CDKL1: variants seen among roughly 807,000 people sequenced by gnomAD.
CDKL1 encodes cyclin-dependent kinase-like 1.
A neutral mutation model predicts 42.0 loss-of-function variants in CDKL1; 41 were observed. The observed-to-expected ratio is 0.98, with a 90% CI of 0.76 to 1.27. The LOEUF (loss-of-function observed/expected upper bound fraction) is 1.27. Ranked by LOEUF, CDKL1 falls within the 50% of genes most tolerant of loss-of-function variation. The probability of loss-of-function intolerance (pLI) is 0.00; values close to 1 mark genes in which losing one functional copy is unlikely to be tolerated. For synonymous variants in CDKL1, 153 were observed against 158.6 expected (o/e 0.96, Z 0.26); for missense variants, 394 against 428.4 (o/e 0.92, Z 0.71).
chr14:50,355,709 C>T (rs1183084397), intron 3 of CDKL1, among the ~76,000 whole-genome samples: 2 of 151,972 alleles, frequency 1.3e-5, no homozygotes, highest in African/African-American at 2.4e-5. Context: ...ATAAACAATC[C>T]CAGAAGATGT....
At position 50,396,846 on chromosome 14, in the gene CDKL1, G is replaced by T. The variant is rs1160189854; in HGVS notation, c.-484C>A. 2 of 191,576 alleles carry T rather than the reference G, an allele frequency of 1.0e-5. No individual in the cohort carries two copies. The highest frequency in any genetic ancestry group is 6.5e-5 in the Admixed American group (1 of 15,408). The allele number at this position is 191,576 out of a possible 1,614,324, so 11.9% of individuals were successfully genotyped here. Reference sequence around the variant, plus strand: ...CACGGCGCCGCGGCGGTCAGGGACGGGCCTGGCTCCCGCCTCGCCTTCTTC... The same window carrying T: ...CACGGCGCCGCGGCGGTCAGGGACGTGCCTGGCTCCCGCCTCGCCTTCTTC... On this transcript the variant is annotated 5_prime_UTR_variant, in exon 1 of 10. Transcript: ENST00000395834.
chr14:50,358,307 G>A (rs961463701), intron 3 of CDKL1, among the ~76,000 whole-genome samples: 4 of 152,130 alleles, frequency 2.6e-5, no homozygotes, highest in Non-Finnish European at 4.4e-5. Context: ...GTAGACACCC[G>A]GATTGCTTCC....
intron 3 of CDKL1, chr14:50,358,070 T>C: frequency 7.4e-7 from 1 of 1,359,420 alleles, no homozygotes; most frequent in Non-Finnish European, 9.8e-7. Flanking sequence ...CCCTCCTCCT[T>C]TTTTCTTTTT....
chr14:50,350,214 G>T (rs1330144968), intron 3 of CDKL1, among the ~76,000 whole-genome samples: 1 of 152,196 alleles, frequency 6.6e-6, no homozygotes, highest in African/African-American at 2.4e-5. Context: ...CCTGGCCTAA[G>T]GAAGATGTTC....
intron 3 of CDKL1, among the ~76,000 whole-genome samples, 186 bp downstream of exon 3, chr14:50,358,842 G>A (rs897620446): frequency 6.6e-6 from 1 of 151,846 alleles, no homozygotes. Flanking sequence ...GTTTCACTAT[G>A]TTGGCCAGGC....
intron 2 of CDKL1, among the ~76,000 whole-genome samples, chr14:50,394,924 G>A (rs1229670855): frequency 1.3e-5 from 2 of 152,034 alleles, no homozygotes; most frequent in East Asian, 1.9e-4. Flanking sequence ...ATCACTTAAG[G>A]CCAGGAACTC....
chr14:50,355,204 G>A (rs930966340), intron 3 of CDKL1, among the ~76,000 whole-genome samples: 6 of 151,320 alleles, frequency 4.0e-5, no homozygotes, highest in African/African-American at 1.5e-4. Context: ...ATCTATTGTT[G>A]GATATTTCAG....
intron 2 of CDKL1, among the ~76,000 whole-genome samples, chr14:50,385,808 A>T (rs2035066068): frequency 6.6e-6 from 1 of 151,212 alleles, no homozygotes; most frequent in Non-Finnish European, 1.5e-5. Context: ...CGTCCCAAAA[A>T]AAAAAAAAAA....
At chr14:50,335,043 T>C in intron 7 of CDKL1, 1 of 204,940 alleles carries the variant, frequency 4.9e-6, no homozygotes. Context: ...CTCATGCCTA[T>C]AATCCACTCA....
chr14:50,354,750 G>T (rs1043984246), intron 3 of CDKL1, among the ~76,000 whole-genome samples: 2 of 152,168 alleles, frequency 1.3e-5, no homozygotes, highest in Non-Finnish European at 2.9e-5. Flanking sequence ...CATGAAGTTG[G>T]ATCTTCTCCA....
intron 2 of CDKL1, among the ~76,000 whole-genome samples, chr14:50,393,831 TC>T (rs1425901730): frequency 6.6e-6 from 1 of 152,190 alleles, no homozygotes; most frequent in Non-Finnish European, 1.5e-5. Flanking sequence ...CACAACCCCA[TC>T]CTTTGGAGGA....
intron 2 of CDKL1, among the ~76,000 whole-genome samples, chr14:50,368,435 T>A (rs115255913): frequency 0.013 from 1,985 of 151,864 alleles, 43 homozygotes; most frequent in African/African-American, 0.045. Flanking sequence ...TTTTTATTTT[T>A]AAAATTTTTT....
intron 1 of CDKL1, 126 bp from the exon 2 acceptor site, chr14:50,396,455 C>A: frequency 1.0e-6 from 1 of 985,064 alleles, no homozygotes; most frequent in Non-Finnish European, 1.2e-6. Flanking sequence ...CCGTTAAATA[C>A]CCTGTAAGTT....
Position 50,332,709 on chromosome 14 carries a change from T to C in CDKL1, c.796-277A>G, listed in dbSNP as rs562937986. On this transcript the variant is annotated intron_variant, in intron 8 of 9. Coordinates refer to ENST00000395834, the MANE Select transcript of CDKL1 (RefSeq NM_004196.7). ...TACTCTGCCCTGGGAGAGTAAGATA[T>C]AATTTTAGAGTTTACCTCAGTGGCC... is the stretch of plus-strand genomic sequence containing the variant. The C allele has an allele frequency of 5.9e-6, 9 of 1,531,216 alleles. No homozygotes were observed. The Admixed American group carries it at 1.4e-4, about 24-fold the overall frequency. 94.9% of individuals were successfully genotyped at this position (1,531,216 alleles called of 1,614,324 possible). A position where few individuals can be genotyped will look rare whatever the true frequency, so the allele number is the denominator to read the frequency against.
At chr14:50,355,741 A>T (rs554293398) in intron 3 of CDKL1, among the ~76,000 whole-genome samples, 1 of 152,346 alleles carries the variant, frequency 6.6e-6, no homozygotes, top group East Asian at 1.9e-4. Context: ...GGGTGCTGGC[A>T]GGCATCATAA....
intron 2 of CDKL1, 145 bp downstream of exon 2, chr14:50,395,556 A>T (rs2035372733): frequency 1.6e-6 from 1 of 612,186 alleles, no homozygotes; most frequent in Non-Finnish European, 2.9e-6. Flanking sequence ...AATCCCAGCT[A>T]CTCAGGAGGC....
At chr14:50,377,463 C>T in intron 2 of CDKL1, 1 of 660,004 alleles carries the variant, frequency 1.5e-6, no homozygotes, top group South Asian at 4.6e-5. Context: ...GTATCACTTC[C>T]CAAAATAAAC....
intron 2 of CDKL1, among the ~76,000 whole-genome samples, chr14:50,389,441 A>G (rs978706838): frequency 1.3e-5 from 2 of 152,188 alleles, no homozygotes; most frequent in African/African-American, 4.8e-5. Context: ...CTGTATATGA[A>G]CCATATGTAT....
At chr14:50,390,410 T>G in intron 2 of CDKL1, 1 of 1,337,176 alleles carries the variant, frequency 7.5e-7, no homozygotes, top group Non-Finnish European at 9.9e-7. Flanking sequence ...CTTACCATTT[T>G]CATTCCACAG....
Sources: allele counts gnomAD v4.1 joint callset (sites outside exome capture counted in the v4.1 genomes callset), GRCh38; gene constraint gnomAD v4.1.1; transcripts MANE v1.5; gene names NCBI Gene and HGNC (gene_info 2026-07-23, HGNC 2026-07-21).